The following NPAS3 variants were observed in gnomAD, a reference collection of about 807,000 sequenced individuals.
The protein encoded by NPAS3 is neuronal PAS domain protein 3.
In NPAS3, 14 loss-of-function variants were observed where a neutral mutation model predicts 73.1. The ratio of observed to expected loss-of-function variants is 0.19; its 90% CI spans 0.13 to 0.30. The LOEUF (loss-of-function observed/expected upper bound fraction) is 0.30. Among genes scored for constraint, NPAS3 ranks in the 10% least tolerant of loss-of-function variants. The pLI is 1.00. For synonymous variants in NPAS3, 620 were observed against 541.5 expected (o/e 1.14, Z -2.01); for missense variants, 1,096 against 1,250.0 (o/e 0.88, Z 1.86).
At chr14:33,581,974 A>G (rs2056682897) in intron 5 of NPAS3, 1 of 152,230 alleles carries the variant, frequency 6.6e-6, no homozygotes, top group Non-Finnish European at 1.5e-5. Context: ...GGCTTAGATT[A>G]TTGAACATTT....
intron 3 of NPAS3, among the ~76,000 whole-genome samples, chr14:33,356,499 C>T (rs1465204249): frequency 2.0e-5 from 3 of 152,214 alleles, no homozygotes; most frequent in Non-Finnish European, 4.4e-5. Flanking sequence ...CCCACAGTCT[C>T]CTCACAGAAT....
intron 4 of NPAS3, among the ~76,000 whole-genome samples, chr14:33,467,655 C>T (rs1220582535): frequency 2.0e-5 from 3 of 152,192 alleles, no homozygotes; most frequent in Admixed American, 1.3e-4. Context: ...GCTATTTTGG[C>T]CTCGTCTAGG....
intron 4 of NPAS3, among the ~76,000 whole-genome samples, chr14:33,495,132 T>C (rs975987014): frequency 1.3e-5 from 2 of 152,170 alleles, no homozygotes; most frequent in African/African-American, 4.8e-5. Flanking sequence ...AATTTCCCTC[T>C]AAATACTGCT....
chr14:33,039,611 G>C (rs1334932720), intron 1 of NPAS3, among the ~76,000 whole-genome samples: 5 of 152,200 alleles, frequency 3.3e-5, no homozygotes, highest in Admixed American at 6.5e-5. Flanking sequence ...ATGCTGAACA[G>C]CAATTGCTTT....
chr14:32,994,575 A>T (rs1411409587), intron 1 of NPAS3, among the ~76,000 whole-genome samples: 2 of 146,470 alleles, frequency 1.4e-5, no homozygotes, highest in Non-Finnish European at 3.0e-5. Flanking sequence ...TGGGAACTTA[A>T]ATTAAAAAAA....
intron 5 of NPAS3, among the ~76,000 whole-genome samples, chr14:33,593,673 C>G (rs1393659188): frequency 6.6e-6 from 1 of 152,214 alleles, no homozygotes; most frequent in Non-Finnish European, 1.5e-5. Context: ...AAGGTTTCTT[C>G]TAACGTTTAT....
chr14:33,286,360 T>C (rs919558343), intron 3 of NPAS3, among the ~76,000 whole-genome samples: 1 of 152,216 alleles, frequency 6.6e-6, no homozygotes, highest in African/African-American at 2.4e-5. Context: ...AATGCTTTTA[T>C]TCATTCCTTT....
chr14:33,225,180 G>A lies in NPAS3; in HGVS notation c.385+9754G>A, dbSNP rs530492520. Among the ~76,000 whole-genome samples, 4 of 152,298 alleles carry A rather than the reference G, an allele frequency of 2.6e-5. No individual in the cohort carries two copies. The South Asian group carries it at 6.2e-4, about 24-fold the overall frequency. On this transcript the variant is annotated intron_variant, in intron 3 of 11. Coordinates refer to ENST00000356141, the Ensembl canonical transcript of NPAS3. ...ACAATATCAATCAATGGAAATGGAA[G>A]GGAGGAAATTGGTTAGTCTGTTTAC...
chr14:33,678,794 A>G (rs2059846825), intron 6 of NPAS3, among the ~76,000 whole-genome samples: 1 of 151,628 alleles, frequency 6.6e-6, no homozygotes, highest in Non-Finnish European at 1.5e-5. Flanking sequence ...CAGTTCTGCT[A>G]GAGTATCCTA....
chr14:33,670,514 A>G (rs1445087245), intron 5 of NPAS3, among the ~76,000 whole-genome samples: 1 of 152,184 alleles, frequency 6.6e-6, no homozygotes, highest in Non-Finnish European at 1.5e-5. Flanking sequence ...TGAAGATGGC[A>G]TTAAGATACC....
chr14:33,771,909 A>C (rs1206968419), intron 7 of NPAS3, among the ~76,000 whole-genome samples: 1 of 152,220 alleles, frequency 6.6e-6, no homozygotes, highest in Non-Finnish European at 1.5e-5. Flanking sequence ...CTTAAACAAG[A>C]CATGGAAACA....
chr14:33,200,758 T>C (rs1384711901), intron 2 of NPAS3, among the ~76,000 whole-genome samples: 1 of 152,206 alleles, frequency 6.6e-6, no homozygotes, highest in East Asian at 1.9e-4. Flanking sequence ...TAGTAACAAA[T>C]GTTTTCATGA....
At chr14:33,464,279 T>A (rs1386912868) in intron 4 of NPAS3, among the ~76,000 whole-genome samples, 1 of 152,200 alleles carries the variant, frequency 6.6e-6, no homozygotes, top group East Asian at 1.9e-4. Flanking sequence ...AGCTAGCATG[T>A]GTATGAAAGG....
At position 33,612,546 on chromosome 14, in the gene NPAS3, A is replaced by G. The variant is rs182564832; in HGVS notation, c.558+52336A>G. ...AGTTTAGTTCCTCTGGCTTTAAAAG[A>G]TATTATTGCTGAAAAATAAACTCTG... On this transcript the variant is annotated intron_variant, in intron 5 of 11. Coordinates refer to ENST00000356141, the Ensembl canonical transcript of NPAS3. 1.1e-5 allele frequency: 5 copies of G among 455,696 alleles called. No individual in the cohort carries two copies. In the East Asian group the frequency reaches 3.5e-4, roughly 32 times the overall value. The allele number at this position is 455,696 out of a possible 1,614,324, so 28.2% of individuals were successfully genotyped here.
At chr14:33,213,235 G>A (rs1357736160) in intron 2 of NPAS3, among the ~76,000 whole-genome samples, 6 of 2,188 alleles carry the variant, frequency 2.7e-3, no homozygotes, top group Non-Finnish European at 5.7e-3. Flanking sequence ...TCACTTACTG[G>A]ACCAAAAAAA....
intron 6 of NPAS3, among the ~76,000 whole-genome samples, chr14:33,699,581 A>G (rs779517458): frequency 6.6e-5 from 10 of 152,324 alleles, no homozygotes; most frequent in South Asian, 2.1e-4. Flanking sequence ...ATAGTACTCA[A>G]TGTGAAATGG....
In NPAS3 at chr14:32,987,209, C is replaced by T. The variant is rs1412527993; in HGVS notation, c.50+47843C>T. ...TATGCACATTGAGTGACTAAAAATA[C>T]ACAAGTTTGTGTCAGAATTTTTTTT... On this transcript the variant is annotated intron_variant, in intron 1 of 11. Coordinates refer to ENST00000356141, the Ensembl canonical transcript of NPAS3. Among the ~76,000 whole-genome samples, 5 of 150,046 alleles carry T rather than the reference C, an allele frequency of 3.3e-5. No individual in the cohort carries two copies. The East Asian group carries it at 9.8e-4, about 29-fold the overall frequency.
chr14:32,960,196 T>G lies in NPAS3; in HGVS notation c.50+20830T>G, dbSNP rs1464824905. On this transcript the variant is annotated intron_variant, in intron 1 of 11. Coordinates refer to ENST00000356141, the Ensembl canonical transcript of NPAS3. ...TATGTTTTCTTTGTATTTATGTAGTTTTTTTTTCCATTGACTTAAATATTC... is the reference window on the plus strand; with the variant it reads ...TATGTTTTCTTTGTATTTATGTAGTGTTTTTTTCCATTGACTTAAATATTC... Among the ~76,000 whole-genome samples the G allele has an allele frequency of 2.6e-5, 4 of 151,976 alleles. No individual in the cohort carries two copies. The East Asian group carries it at 7.7e-4, about 29-fold the overall frequency.
chr14:33,723,728 A>G (rs368510931), intron 6 of NPAS3, among the ~76,000 whole-genome samples: 1 of 142,974 alleles, frequency 7.0e-6, no homozygotes, highest in African/African-American at 2.6e-5. Context: ...AAAAAAAAAA[A>G]GAAAAGAAAA....
Sources: gnomAD v4.1 joint callset for allele counts (sites outside exome capture counted in the v4.1 genomes callset) on GRCh38, gnomAD v4.1.1 for gene constraint, MANE v1.5 for transcripts, NCBI Gene and HGNC (gene_info 2026-07-23, HGNC 2026-07-21) for gene names.